Variants in SLC22A14 observed in about 807,000 individuals in gnomAD.
The protein encoded by SLC22A14 is solute carrier family 22 member 14, also known as organic cation transporter-like 4.
In SLC22A14, 50 loss-of-function variants were observed where a neutral mutation model predicts 53.9. The ratio of observed to expected loss-of-function variants is 0.93; its 90% CI spans 0.74 to 1.17. The LOEUF (loss-of-function observed/expected upper bound fraction) is 1.17, where lower values mean the gene tolerates loss of function less well. Among genes scored for constraint, SLC22A14 ranks in the 50% most tolerant of loss-of-function variants. SLC22A14 has a pLI of 0.00. For missense variants in SLC22A14, 671 were observed against 734.7 expected (o/e 0.91, Z 1.00); for synonymous variants, 312 against 303.0 (o/e 1.03, Z -0.31).
At chr3:38,285,016 C>T (rs925232658) in intron 1 of SLC22A14, among the ~76,000 whole-genome samples, 1 of 152,192 alleles carries the variant, frequency 6.6e-6, no homozygotes, top group Non-Finnish European at 1.5e-5. Flanking sequence ...ATAATGTGTA[C>T]AGAAAAGTTG....
Position 38,306,510 on chromosome 3 carries a change from C to A in SLC22A14, c.484C>A (p.Pro162Thr), listed in dbSNP as rs1704311139. The part of the protein sequence containing the change: ...TDTCQDGWIY[P>T]DAKKRSLINE... The stretch of plus-strand genomic sequence containing the variant: ...CACATGCCAAGATGGGTGGATCTAT[C>A]CTGACGCTAAGAAGCGATCGCTGAT... Residue 162 changes from proline (P) to threonine (T), a missense_variant, in exon 2 of 11, where the codon CCT (proline) becomes ACT (threonine). Transcript: ENST00000448498. 6.2e-7 allele frequency: 1 copy of A among 1,613,860 alleles called. No individual in the cohort carries two copies. The highest frequency in any genetic ancestry group is 8.5e-7 in the Non-Finnish European group (1 of 1,179,928).
chr3:38,302,166 G>A (rs1419948131), intron 1 of SLC22A14, among the ~76,000 whole-genome samples: 16 of 149,514 alleles, frequency 1.1e-4, no homozygotes, highest in African/African-American at 3.2e-4. Context: ...TCCAGGAGGC[G>A]GAGGTTGCAG....
chr3:38,284,347 G>A (rs1703741505), intron 1 of SLC22A14, among the ~76,000 whole-genome samples: 1 of 152,196 alleles, frequency 6.6e-6, no homozygotes, highest in Admixed American at 6.5e-5. Flanking sequence ...CATGGGGGCT[G>A]GGGGCCAGGC....
chr3:38,286,551 C>T (rs1703796988), intron 1 of SLC22A14, among the ~76,000 whole-genome samples: 1 of 151,464 alleles, frequency 6.6e-6, no homozygotes, highest in Non-Finnish European at 1.5e-5. Flanking sequence ...ACTGGGATTA[C>T]AGACGTGTGC....
chr3:38,284,103 C>G (rs940545782), intron 1 of SLC22A14, among the ~76,000 whole-genome samples: 2 of 152,210 alleles, frequency 1.3e-5, no homozygotes, highest in African/African-American at 4.8e-5. Flanking sequence ...GACCTCTTCC[C>G]TGGATTATGG....
intron 1 of SLC22A14, among the ~76,000 whole-genome samples, chr3:38,289,783 G>A (rs1231823179): frequency 2.0e-5 from 3 of 152,232 alleles, no homozygotes; most frequent in South Asian, 2.1e-4. Context: ...CTGCAACAGC[G>A]ACAAACAGCA....
At position 38,307,980 on chromosome 3, in the gene SLC22A14, A is replaced by G; in HGVS notation, c.775+260A>G. 1.9e-6 allele frequency: 1 copy of G among 525,652 alleles called. No individual in the cohort carries two copies. Among genetic ancestry groups the G allele is most frequent in the Non-Finnish European group, 3.4e-6 (1 of 290,626 alleles). 32.6% of individuals were successfully genotyped at this position (525,652 alleles called of 1,614,324 possible). A position where few individuals can be genotyped will look rare whatever the true frequency, so the allele number is the denominator to read the frequency against. ...TCCTGGCTGCCTGGAGATGTCAGAG[A>G]ATCAGTGCCCTGACTGCCCTTCCAC... On this transcript the variant is annotated intron_variant, in intron 4 of 10. Transcript: ENST00000448498. The surrounding 1 kb of genome is among the most constrained non-coding windows in gnomAD (Gnocchi z 4.4).
intron 1 of SLC22A14, among the ~76,000 whole-genome samples, chr3:38,286,421 CTT>C (rs781513917): frequency 1.3e-4 from 18 of 141,590 alleles, no homozygotes; most frequent in East Asian, 4.1e-4. Flanking sequence ...CTTTTCTTTT[CTT>C]TTTTTTTTTT....
Position 38,306,302 on chromosome 3 carries a change from A to C in SLC22A14, c.276A>C (p.Thr92=). Residue 92 remains threonine (T), a synonymous_variant, in exon 2 of 11, where the codon ACA becomes ACC. Transcript: ENST00000448498. ...TGTTTGCTGACCACTTCGTGTTCAC[A>C]GCCCAGAAGCCCTATTGCAATACCA... is the stretch of plus-strand genomic sequence containing the variant. ...FFMFADHFVF[T]AQKPYCNTSW... The C allele has an allele frequency of 6.2e-7, 1 of 1,614,176 alleles. No homozygotes were observed. Among genetic ancestry groups the C allele is most frequent in the Non-Finnish European group, 8.5e-7 (1 of 1,180,032 alleles).
rs145382475 is a variant in SLC22A14, at chr3:38,305,016, TCAA to T, written c.1-1000_1-998del. Among the ~76,000 whole-genome samples, 255 of 152,302 alleles carry T rather than the reference TCAA, an allele frequency of 1.7e-3. 2 individuals carry two copies. Among genetic ancestry groups the T allele is most frequent in the African/African-American group, 5.8e-3 (243 of 41,564 alleles). The stretch of plus-strand genomic sequence containing the variant: ...TAACTTTCCTCTTAGTGTTTTTATC[TCAA>T]CAACAACAACTTGCCGTTCAACAAG... On this transcript the variant is annotated intron_variant, in intron 1 of 10. Coordinates refer to ENST00000448498, the MANE Select transcript of SLC22A14 (RefSeq NM_001320033.2).
intron 1 of SLC22A14, among the ~76,000 whole-genome samples, chr3:38,286,890 C>T (rs973232725): frequency 6.6e-6 from 1 of 151,912 alleles, no homozygotes; most frequent in African/African-American, 2.4e-5. Context: ...CACCATCATG[C>T]CTGGCTAATT....
intron 4 of SLC22A14, chr3:38,308,068 C>A (rs1456281115): frequency 1.5e-5 from 4 of 274,714 alleles, no homozygotes; most frequent in Non-Finnish European, 2.8e-5. Flanking sequence ...TTTGCATACC[C>A]CCAAGCCCCA....
intron 4 of SLC22A14, among the ~76,000 whole-genome samples, chr3:38,308,559 G>A (rs1704378947): frequency 6.6e-6 from 1 of 152,204 alleles, no homozygotes; most frequent in African/African-American, 2.4e-5. Flanking sequence ...CTCATTGGGA[G>A]CCTTAGGCCT....
At chr3:38,300,651 C>T (rs981535642) in intron 1 of SLC22A14, among the ~76,000 whole-genome samples, 3 of 152,174 alleles carry the variant, frequency 2.0e-5, no homozygotes, top group African/African-American at 7.2e-5. Flanking sequence ...CAGGGAATCT[C>T]CCTGAGCCTA....
Position 38,318,556 on chromosome 3 carries a change from A to T in SLC22A14, c.*307A>T, listed in dbSNP as rs543000776. The T allele has an allele frequency of 2.5e-5, 8 of 323,644 alleles. No homozygotes were observed. Among genetic ancestry groups the T allele is most frequent in the African/African-American group, 1.7e-4 (8 of 47,912 alleles). The allele number at this position is 323,644 out of a possible 1,614,324, so 20.0% of individuals were successfully genotyped here. ...GCTCTGCTGTGATTCATTCCAATAA[A>T]GGTACAATGTTGGTCTTGAGATGGC... On this transcript the variant is annotated 3_prime_UTR_variant, in exon 11 of 11. Coordinates refer to ENST00000448498, the MANE Select transcript of SLC22A14 (RefSeq NM_001320033.2).
At chr3:38,315,968 C>T (rs1704607565) in intron 9 of SLC22A14, among the ~76,000 whole-genome samples, 1 of 152,354 alleles carries the variant, frequency 6.6e-6, no homozygotes, top group Middle Eastern at 3.4e-3. Flanking sequence ...GGATTTGGCC[C>T]CAGGCAGCCT....
Position 38,313,840 on chromosome 3 carries a change from G to A in SLC22A14, c.1277G>A (p.Cys426Tyr). 1 of 1,614,082 alleles carries A rather than the reference G, an allele frequency of 6.2e-7. No individual in the cohort carries two copies. The highest frequency in any genetic ancestry group is 8.5e-7 in the Non-Finnish European group (1 of 1,179,988). The change falls in exon 8 of 11, where the codon TGC becomes TAC. Residue 426 changes from cysteine (C) to tyrosine (Y), a missense_variant. Transcript: ENST00000448498. ...ATCATGGAGGTGCCTGCCCGGCTGT[G>A]CTGCATCTTTCTCCTCCAGCAGATT... ...PSIMEVPARLCCIFLLQQIGR... is the reference protein window; with the variant it reads ...PSIMEVPARLYCIFLLQQIGR...
intron 5 of SLC22A14, among the ~76,000 whole-genome samples, chr3:38,310,659 G>C (rs1704443962): frequency 6.6e-6 from 1 of 152,166 alleles, no homozygotes; most frequent in African/African-American, 2.4e-5. Flanking sequence ...CCATTCGTGG[G>C]TCTTCTGAGC....
In SLC22A14 at chr3:38,296,845, CAAT is replaced by C. The variant is rs895397806; in HGVS notation, c.1-9181_1-9179del. On this transcript the variant is annotated intron_variant, in intron 1 of 10. Transcript: ENST00000448498. ...AAGCCTTTAGCCTAATCCAGAGCAG[CAAT>C]GGGCACCTCGCTGGATCAGGAGCAC... Among the ~76,000 whole-genome samples the C allele has an allele frequency of 7.2e-5, 11 of 152,212 alleles. 1 individual carries two copies. The East Asian group carries it at 2.1e-3, about 29-fold the overall frequency.
Sources: gnomAD v4.1 joint callset for allele counts (sites outside exome capture counted in the v4.1 genomes callset) on GRCh38, gnomAD v4.1.1 for gene constraint, Gnocchi (gnomAD v3.1) non-coding constraint, MANE v1.5 for transcripts, NCBI Gene and HGNC (gene_info 2026-07-23, HGNC 2026-07-21) for gene names.